Variants in SMOC1 observed in about 807,000 individuals in gnomAD.
SMOC1 encodes the protein SPARC related modular calcium binding 1.
A neutral mutation model predicts 56.3 loss-of-function variants in SMOC1; 22 were observed. The observed-to-expected ratio is 0.39, with a 90% CI of 0.28 to 0.56. The LOEUF (loss-of-function observed/expected upper bound fraction) is 0.56, where lower values mean the gene tolerates loss of function less well. Ranked by LOEUF, SMOC1 falls within the 20% of genes least tolerant of loss-of-function variation. The pLI is 0.61. For missense variants in SMOC1, 509 were observed against 565.4 expected, an observed-to-expected ratio of 0.90 and a Z score of 1.01; for synonymous variants, 193 against 215.0, an observed-to-expected ratio of 0.90 and a Z score of 0.89.
At chr14:69,965,255 C>T (rs1883525209) in intron 3 of SMOC1, among the ~76,000 whole-genome samples, 1 of 151,982 alleles carries the variant, frequency 6.6e-6, no homozygotes, top group Admixed American at 6.6e-5. Context: ...GTGGTACATG[C>T]CTGTAGTCCC....
At chr14:69,902,085 G>A (rs968272108) in intron 1 of SMOC1, among the ~76,000 whole-genome samples, 7 of 152,210 alleles carry the variant, frequency 4.6e-5, no homozygotes, top group Admixed American at 2.6e-4. Context: ...GAATGGTCAT[G>A]TGACTTATGC....
chr14:69,884,256 AT>A (rs1741887300), intron 1 of SMOC1, among the ~76,000 whole-genome samples: 1 of 152,182 alleles, frequency 6.6e-6, no homozygotes, highest in Admixed American at 6.5e-5. Context: ...CTTTTGAGAA[AT>A]ACCTATTCAG....
At chr14:70,014,815 G>GT (rs1332401969) in intron 10 of SMOC1, among the ~76,000 whole-genome samples, 13 of 152,210 alleles carry the variant, frequency 8.5e-5, no homozygotes, top group African/African-American at 2.7e-4. Flanking sequence ...AGGCAGAGCT[G>GT]TTATCCATAA....
At chr14:70,006,136 G>A (rs1205955976) in intron 7 of SMOC1, among the ~76,000 whole-genome samples, 3 of 152,210 alleles carry the variant, frequency 2.0e-5, no homozygotes, top group African/African-American at 7.2e-5. Flanking sequence ...GAGGATGATA[G>A]TGGCCCCATG....
At chr14:69,924,238 C>T (rs908952226) in intron 1 of SMOC1, among the ~76,000 whole-genome samples, 1 of 152,216 alleles carries the variant, frequency 6.6e-6, no homozygotes, top group Non-Finnish European at 1.5e-5. Flanking sequence ...TCTGGTCCAT[C>T]GGCAGATCCT....
intron 5 of SMOC1, among the ~76,000 whole-genome samples, chr14:69,979,591 C>T (rs1027259157): frequency 1.3e-5 from 2 of 151,264 alleles, no homozygotes; most frequent in East Asian, 1.9e-4. Context: ...TTTTCTATTG[C>T]GTGTGTGTGT....
intron 1 of SMOC1, among the ~76,000 whole-genome samples, chr14:69,918,909 T>C (rs1434000043): frequency 6.6e-6 from 1 of 152,144 alleles, no homozygotes; most frequent in Non-Finnish European, 1.5e-5. Context: ...CCCAGGCAAA[T>C]GGTGCAGGCA....
intron 1 of SMOC1, among the ~76,000 whole-genome samples, chr14:69,944,488 G>C (rs192790661): frequency 1.3e-5 from 2 of 152,166 alleles, no homozygotes; most frequent in African/African-American, 4.8e-5. Flanking sequence ...TTTGCAGATT[G>C]GACATTTGCA....
chr14:69,895,906 C>A (rs1341503247), intron 1 of SMOC1, among the ~76,000 whole-genome samples: 1 of 144,846 alleles, frequency 6.9e-6, no homozygotes, highest in Non-Finnish European at 1.5e-5. Context: ...GTTCTGTCAC[C>A]TAGGCTAGAG....
chr14:70,017,062 G>A (rs778492607), intron 10 of SMOC1, among the ~76,000 whole-genome samples: 11 of 152,174 alleles, frequency 7.2e-5, no homozygotes, highest in Non-Finnish European at 1.3e-4. Flanking sequence ...TTAGACTAGT[G>A]TCTGGAACAT....
chr14:69,979,953 TCTTAAA>T (rs1216422125), intron 5 of SMOC1, among the ~76,000 whole-genome samples: 1 of 152,174 alleles, frequency 6.6e-6, no homozygotes, highest in Non-Finnish European at 1.5e-5. Context: ...GGATTCTGGT[TCTTAAA>T]CTGGACAAGA....
At chr14:69,894,150 T>A (rs938969349) in intron 1 of SMOC1, among the ~76,000 whole-genome samples, 1 of 152,180 alleles carries the variant, frequency 6.6e-6, no homozygotes, top group East Asian at 1.9e-4. Context: ...TTAGAGGTGG[T>A]TTGATTCAGT....
chr14:69,974,899 C>T, intron 3 of SMOC1, among the ~76,000 whole-genome samples: 1 of 152,044 alleles, frequency 6.6e-6, no homozygotes, highest in Admixed American at 6.5e-5. Flanking sequence ...AAGACAGTCA[C>T]AAGATCAATA....
At chr14:69,960,322 C>T (rs1433072091) in intron 3 of SMOC1, among the ~76,000 whole-genome samples, 1 of 152,178 alleles carries the variant, frequency 6.6e-6, no homozygotes, top group Non-Finnish European at 1.5e-5. Context: ...GTACTGAGAC[C>T]TGGGGTGCAT....
chr14:69,915,932 A>T (rs1884674386), intron 1 of SMOC1, among the ~76,000 whole-genome samples: 1 of 152,200 alleles, frequency 6.6e-6, no homozygotes, highest in African/African-American at 2.4e-5. Context: ...AACACTCCCT[A>T]TTCTCATTCC....
intron 1 of SMOC1, among the ~76,000 whole-genome samples, chr14:69,925,389 G>A (rs1884983926): frequency 6.6e-6 from 1 of 151,970 alleles, no homozygotes; most frequent in Non-Finnish European, 1.5e-5. Context: ...ATTGTCCCTA[G>A]ATTTTGTGTG....
At chr14:69,968,688 T>G (rs1225744004) in intron 3 of SMOC1, among the ~76,000 whole-genome samples, 1 of 151,886 alleles carries the variant, frequency 6.6e-6, no homozygotes, top group South Asian at 2.1e-4. Flanking sequence ...AAAAACAGTC[T>G]CATACTCTCA....
chr14:69,889,531 G>A (rs144498716), intron 1 of SMOC1, among the ~76,000 whole-genome samples: 52 of 152,252 alleles, frequency 3.4e-4, no homozygotes, highest in African/African-American at 1.2e-3. Context: ...TAGTAATCTG[G>A]CCTCTTAGGT....
At chr14:69,979,788 G>A (rs1884107781) in intron 5 of SMOC1, among the ~76,000 whole-genome samples, 1 of 152,116 alleles carries the variant, frequency 6.6e-6, no homozygotes, top group Admixed American at 6.5e-5. Context: ...AAATCTTCAG[G>A]AACATCACCT....
Sources: gnomAD v4.1 joint callset for allele counts (sites outside exome capture counted in the v4.1 genomes callset) on GRCh38, gnomAD v4.1.1 for gene constraint, MANE v1.5 for transcripts, NCBI Gene and HGNC (gene_info 2026-07-23, HGNC 2026-07-21) for gene names.